Variants in FANCL observed in about 807,000 individuals in gnomAD.
FANCL encodes the protein FA complementation group L, also known as E3 ubiquitin-protein ligase FANCL.
A neutral mutation model predicts 59.4 loss-of-function variants in FANCL; 69 were observed. That is an observed-to-expected ratio of 1.16 (90% CI 0.96 to 1.42). FANCL has a LOEUF of 1.42. Ranked by LOEUF, FANCL falls within the 40% of genes most tolerant of loss-of-function variation. The pLI is 0.00. For missense variants in FANCL, 519 were observed against 447.2 expected (o/e 1.16, Z -1.45); for synonymous variants, 180 against 147.1 (o/e 1.22, Z -1.62).
chr2:58,222,412 C>G (rs1293706582), intron 4 of FANCL, among the ~76,000 whole-genome samples: 1 of 152,008 alleles, frequency 6.6e-6, no homozygotes, highest in East Asian at 1.9e-4. Context: ...TAAAAAGTAC[C>G]TCTAAAGAAA....
At chr2:58,193,009 TAAC>T (rs914606037) in intron 7 of FANCL, among the ~76,000 whole-genome samples, 1 of 151,886 alleles carries the variant, frequency 6.6e-6, no homozygotes, top group African/African-American at 2.4e-5. Context: ...GCATTAAAAA[TAAC>T]AAAAATTTTA....
At chr2:58,239,249 A>G (rs1694297841) in intron 1 of FANCL, among the ~76,000 whole-genome samples, 1 of 152,212 alleles carries the variant, frequency 6.6e-6, no homozygotes, top group South Asian at 2.1e-4. Flanking sequence ...GACAGATGAT[A>G]CCTTAACCAG....
At chr2:58,212,901 AT>A (rs1468336270) in intron 5 of FANCL, among the ~76,000 whole-genome samples, 1 of 152,218 alleles carries the variant, frequency 6.6e-6, no homozygotes. Context: ...TCTCAATATT[AT>A]TTCCATATTT....
In FANCL at chr2:58,206,880, G is replaced by T. The variant is rs561746383; in HGVS notation, c.375-2654C>A. 1.1e-4 allele frequency among the ~76,000 whole-genome samples: 17 copies of T among 152,280 alleles called. 1 individual carries two copies. The South Asian group carries it at 3.3e-3, about 30-fold the overall frequency. ...CTGCTTCCTGGTCACTTTGTTTGGGGCACAGAAAGAAACCTTACTGTGATT... is the reference window on the plus strand; with the variant it reads ...CTGCTTCCTGGTCACTTTGTTTGGGTCACAGAAAGAAACCTTACTGTGATT... On this transcript the variant is annotated intron_variant, in intron 5 of 13. Coordinates refer to ENST00000233741, the MANE Select transcript of FANCL (RefSeq NM_018062.4).
In FANCL at chr2:58,180,437, G is replaced by C. The variant is rs553429774; in HGVS notation, c.541-14563C>G. ...CTTTGCAGGGACACGGATGAAGCTAGAAACCATCATTCTCAGTGAACAGAA... is the reference window on the plus strand; with the variant it reads ...CTTTGCAGGGACACGGATGAAGCTACAAACCATCATTCTCAGTGAACAGAA... On this transcript the variant is annotated intron_variant, in intron 7 of 13. Coordinates refer to ENST00000233741, the MANE Select transcript of FANCL (RefSeq NM_018062.4). 2.6e-5 allele frequency among the ~76,000 whole-genome samples: 4 copies of C among 152,214 alleles called. No individual in the cohort carries two copies. The South Asian group carries it at 8.3e-4, about 32-fold the overall frequency.
chr2:58,236,454 A>G (rs1694031765), intron 1 of FANCL, among the ~76,000 whole-genome samples: 1 of 151,768 alleles, frequency 6.6e-6, no homozygotes. Flanking sequence ...AAACCCTTTA[A>G]GCAACTAGTT....
intron 5 of FANCL, among the ~76,000 whole-genome samples, chr2:58,216,335 TATC>T (rs1323226517): frequency 1.3e-5 from 2 of 152,072 alleles, no homozygotes; most frequent in Non-Finnish European, 2.9e-5. Context: ...AAGAAAATAA[TATC>T]ATCTGGGGCC....
intron 7 of FANCL, among the ~76,000 whole-genome samples, chr2:58,188,290 C>A (rs145008497): frequency 5.3e-5 from 8 of 152,172 alleles, no homozygotes; most frequent in Admixed American, 4.6e-4. Context: ...ACCATATTAT[C>A]CTGAAAAAAG....
intron 3 of FANCL, among the ~76,000 whole-genome samples, chr2:58,227,850 T>C (rs999156857): frequency 1.3e-5 from 2 of 151,972 alleles, no homozygotes; most frequent in African/African-American, 4.8e-5. Flanking sequence ...TCTGTATCAC[T>C]ACTATGTCTA....
At chr2:58,172,460 G>A (rs1166911423) in intron 7 of FANCL, among the ~76,000 whole-genome samples, 2 of 152,192 alleles carry the variant, frequency 1.3e-5, no homozygotes, top group East Asian at 1.9e-4. Flanking sequence ...CTGCTGTTCT[G>A]CAGCCACCGC....
chr2:58,170,262 T>C (rs538309023), intron 7 of FANCL, among the ~76,000 whole-genome samples: 2 of 152,274 alleles, frequency 1.3e-5, no homozygotes, highest in East Asian at 3.9e-4. Context: ...ATTTTCAAAC[T>C]AGAATTTCCT....
rs552754124 is a variant in FANCL, at chr2:58,191,384, G to GT, written c.540+7209dup. Among the ~76,000 whole-genome samples, 801 of 151,802 alleles carry GT rather than the reference G, an allele frequency of 5.3e-3. 10 individuals carry two copies. Among genetic ancestry groups the GT allele is most frequent in the South Asian group, 0.025 (121 of 4,814 alleles). On this transcript the variant is annotated intron_variant, in intron 7 of 13. Transcript: ENST00000233741. ...CTGCTATATAAGAATATTTTACTGA[G>GT]TTACTCCAAACCATAACATTAAGCA... is the stretch of plus-strand genomic sequence containing the variant.
intron 7 of FANCL, among the ~76,000 whole-genome samples, chr2:58,180,556 G>A (rs1054139183): frequency 5.9e-5 from 9 of 151,942 alleles, no homozygotes; most frequent in South Asian, 2.1e-4. Flanking sequence ...AGGGCCTGTC[G>A]GGGGGTGGGG....
At chr2:58,238,437 G>C (rs1419966218) in intron 1 of FANCL, among the ~76,000 whole-genome samples, 1 of 152,162 alleles carries the variant, frequency 6.6e-6, no homozygotes, top group Non-Finnish European at 1.5e-5. Context: ...AGCAGCAAAA[G>C]ATAACCAACA....
At chr2:58,166,114 ATTTT>A (rs1367356724) in intron 7 of FANCL, among the ~76,000 whole-genome samples, 5 of 151,116 alleles carry the variant, frequency 3.3e-5, no homozygotes, top group Admixed American at 6.6e-5. Context: ...AAAAATCATA[ATTTT>A]TTTATTATAA....
Position 58,162,961 on chromosome 2 carries a change from G to A in FANCL, c.822-14C>T, listed in dbSNP as rs553599985. On this transcript the variant is annotated splice_polypyrimidine_tract_variant and intron_variant, in intron 10 of 13. Coordinates refer to ENST00000233741, the MANE Select transcript of FANCL (RefSeq NM_018062.4). Reference sequence around the variant, plus strand: ...TTTTCTGGATCCCTGAAAGCATGGGGAAAAAAATTATGCTGTGAACTTTGT... The same window carrying A: ...TTTTCTGGATCCCTGAAAGCATGGGAAAAAAAATTATGCTGTGAACTTTGT... The A allele has an allele frequency of 6.2e-7, 1 of 1,612,178 alleles. No homozygotes were observed. The highest frequency in any genetic ancestry group is 8.5e-7 in the Non-Finnish European group (1 of 1,178,762).
intron 7 of FANCL, among the ~76,000 whole-genome samples, chr2:58,174,694 C>A (rs777874853): frequency 6.6e-6 from 1 of 152,046 alleles, no homozygotes; most frequent in Non-Finnish European, 1.5e-5. Context: ...CAGCAAAGAT[C>A]CAAAATTGAC....
intron 1 of FANCL, among the ~76,000 whole-genome samples, chr2:58,235,163 T>C (rs1693902112): frequency 6.6e-6 from 1 of 151,476 alleles, no homozygotes; most frequent in Non-Finnish European, 1.5e-5. Flanking sequence ...AGGAGAGAAA[T>C]GCATGGAGAG....
intron 6 of FANCL, among the ~76,000 whole-genome samples, chr2:58,201,774 T>C (rs1285536042): frequency 6.6e-6 from 1 of 152,020 alleles, no homozygotes; most frequent in Non-Finnish European, 1.5e-5. Flanking sequence ...ATAAAGGACA[T>C]CTAGTCAAAA....
Sources: gnomAD v4.1 joint callset for allele counts (sites outside exome capture counted in the v4.1 genomes callset) on GRCh38, gnomAD v4.1.1 for gene constraint, MANE v1.5 for transcripts, NCBI Gene and HGNC (gene_info 2026-07-23, HGNC 2026-07-21) for gene names.